The following PAPPA variants were observed in gnomAD, a reference collection of about 807,000 sequenced individuals.
PAPPA encodes the protein pappalysin-1.
Under a neutral mutation model 164.0 loss-of-function variants are expected in PAPPA, and 60 were observed. The ratio of observed to expected loss-of-function variants is 0.37; its 90% CI spans 0.30 to 0.45. PAPPA has a LOEUF of 0.45. Ranked by LOEUF, PAPPA falls within the 20% of genes least tolerant of loss-of-function variation. The pLI, the probability that PAPPA is intolerant of heterozygous loss-of-function variation, is 1.00. For missense variants in PAPPA, 1,782 were observed against 2,087.3 expected, an observed-to-expected ratio of 0.85 and a Z score of 2.85; for synonymous variants, 875 against 814.1, an observed-to-expected ratio of 1.07 and a Z score of -1.27.
intron 7 of PAPPA, among the ~76,000 whole-genome samples, chr9:116,251,533 C>A (rs147192490): frequency 6.6e-6 from 1 of 152,186 alleles, no homozygotes; most frequent in Non-Finnish European, 1.5e-5. Context: ...CAGTTAGTGC[C>A]GCTCAATCAC....
At chr9:116,341,189 C>T (rs1363691644) in intron 13 of PAPPA, among the ~76,000 whole-genome samples, 5 of 151,890 alleles carry the variant, frequency 3.3e-5, no homozygotes, top group Admixed American at 6.6e-5. Context: ...TATAGGTGTG[C>T]ACCACCGCTC....
chr9:116,223,777 C>G (rs1296387907), intron 5 of PAPPA, among the ~76,000 whole-genome samples: 1 of 152,172 alleles, frequency 6.6e-6, no homozygotes, highest in African/African-American at 2.4e-5. Flanking sequence ...AGTATACAAG[C>G]TTTAATGCCA....
chr9:116,201,060 C>T (rs1211900617), intron 2 of PAPPA, among the ~76,000 whole-genome samples: 1 of 152,138 alleles, frequency 6.6e-6, no homozygotes, highest in Admixed American at 6.5e-5. Flanking sequence ...CTTTCTGTGT[C>T]TCTTTTTATA....
chr9:116,180,275 G>C (rs1324376182), intron 1 of PAPPA, among the ~76,000 whole-genome samples: 3 of 152,002 alleles, frequency 2.0e-5, no homozygotes, highest in Non-Finnish European at 4.4e-5. Context: ...CTAGACATTA[G>C]AGCCTTCATG....
intron 13 of PAPPA, among the ~76,000 whole-genome samples, chr9:116,338,528 C>T (rs1481696206): frequency 2.7e-4 from 41 of 152,262 alleles, no homozygotes; most frequent in East Asian, 1.9e-4. Flanking sequence ...GGTAATGACA[C>T]AGGGATTCAT....
At position 116,396,650 on chromosome 9, in the gene PAPPA, G is replaced by T. The variant is rs769575002; in HGVS notation, c.*34G>T. ...AAGAAGTTGTCAAAGAATTCCCAAC[G>T]CCAGGACCCACATCCCTTTGGTATT... On this transcript the variant is annotated 3_prime_UTR_variant, in exon 22 of 22. Coordinates refer to ENST00000328252, the MANE Select transcript of PAPPA (RefSeq NM_002581.5). 1 of 777,098 alleles carries T rather than the reference G, an allele frequency of 1.3e-6. No individual in the cohort carries two copies. The highest frequency in any genetic ancestry group is 2.4e-5 in the East Asian group (1 of 41,148). The allele number at this position is 777,098 out of a possible 1,614,324, so 48.1% of individuals were successfully genotyped here.
At position 116,282,861 on chromosome 9, in the gene PAPPA, G is replaced by A. The variant is rs1361015068; in HGVS notation, c.2953+11445G>A. Among the ~76,000 whole-genome samples, 3 of 152,178 alleles carry A rather than the reference G, an allele frequency of 2.0e-5. No individual in the cohort carries two copies. The East Asian group carries it at 5.8e-4, about 29-fold the overall frequency. Reference sequence around the variant, plus strand: ...TTAAGAAACACTGTCTGAAGTGTTTGTTTACAGATCATTAAATACTTAACA... The same window carrying A: ...TTAAGAAACACTGTCTGAAGTGTTTATTTACAGATCATTAAATACTTAACA... On this transcript the variant is annotated intron_variant, in intron 9 of 21. Transcript: ENST00000328252.
chr9:116,290,589 T>C (rs531872739), intron 9 of PAPPA, among the ~76,000 whole-genome samples: 1 of 152,264 alleles, frequency 6.6e-6, no homozygotes, highest in African/African-American at 2.4e-5. Context: ...TAATCTCCAG[T>C]TCCCTTGACT....
intron 2 of PAPPA, among the ~76,000 whole-genome samples, chr9:116,206,115 G>A (rs1337789076): frequency 2.0e-5 from 3 of 152,168 alleles, no homozygotes; most frequent in African/African-American, 7.2e-5. Flanking sequence ...AGTTGAATGT[G>A]GGTTCTTGGG....
intron 5 of PAPPA, among the ~76,000 whole-genome samples, chr9:116,222,970 A>G (rs967546115): frequency 2.0e-5 from 3 of 152,240 alleles, no homozygotes; most frequent in Non-Finnish European, 2.9e-5. Flanking sequence ...CACAATCATT[A>G]TATGTCAATT....
intron 9 of PAPPA, among the ~76,000 whole-genome samples, chr9:116,289,927 A>G (rs1190824699): frequency 6.6e-6 from 1 of 152,202 alleles, no homozygotes. Context: ...GTGTGTTTAG[A>G]AAAGTCCTCA....
intron 18 of PAPPA, among the ~76,000 whole-genome samples, chr9:116,365,249 G>A (rs943232517): frequency 2.0e-5 from 3 of 152,086 alleles, no homozygotes; most frequent in Non-Finnish European, 2.9e-5. Flanking sequence ...CTCCCCCTGC[G>A]TGCCTCCCCC....
At chr9:116,186,289 T>C (rs918390153) in intron 1 of PAPPA, among the ~76,000 whole-genome samples, 2 of 151,084 alleles carry the variant, frequency 1.3e-5, no homozygotes, top group Non-Finnish European at 2.9e-5. Context: ...TAGATATAGA[T>C]ATATATAGAC....
chr9:116,338,854 C>T (rs1846097631), intron 13 of PAPPA, among the ~76,000 whole-genome samples: 1 of 152,180 alleles, frequency 6.6e-6, no homozygotes, highest in Admixed American at 6.5e-5. Flanking sequence ...ACCAAGACAA[C>T]TTTTTCCTAT....
intron 1 of PAPPA, among the ~76,000 whole-genome samples, chr9:116,181,143 T>G (rs1335679700): frequency 6.6e-6 from 1 of 152,216 alleles, no homozygotes; most frequent in Non-Finnish European, 1.5e-5. Context: ...GGAGATAAGA[T>G]AGATTTTAGA....
At chr9:116,358,820 T>C (rs1846386283) in intron 17 of PAPPA, among the ~76,000 whole-genome samples, 2 of 152,202 alleles carry the variant, frequency 1.3e-5, no homozygotes, top group African/African-American at 2.4e-5. Context: ...CTTGGGCACA[T>C]TGCCTCCCCT....
chr9:116,379,342 G>A (rs1422300351), intron 20 of PAPPA, among the ~76,000 whole-genome samples: 1 of 152,172 alleles, frequency 6.6e-6, no homozygotes, highest in Non-Finnish European at 1.5e-5. Flanking sequence ...ATAAAGAAAG[G>A]GTTTGGGGAC....
chr9:116,190,049 G>A (rs927726920), intron 2 of PAPPA, among the ~76,000 whole-genome samples: 20 of 152,208 alleles, frequency 1.3e-4, no homozygotes, highest in African/African-American at 4.8e-4. Flanking sequence ...TGTCATCTCT[G>A]CTTTCACTTG....
At position 116,214,141 on chromosome 9, in the gene PAPPA, A is replaced by G. The variant is rs141435866; in HGVS notation, c.1918+2209A>G. Among the ~76,000 whole-genome samples, 511 of 152,326 alleles carry G rather than the reference A, an allele frequency of 3.4e-3. 2 individuals carry two copies. Among genetic ancestry groups the G allele is most frequent in the Non-Finnish European group, 5.9e-3 (402 of 68,022 alleles). On this transcript the variant is annotated intron_variant, in intron 4 of 21. Transcript: ENST00000328252. ...GGCCAGTATGGTAGCCATGACCTCT[A>G]CTACCCATGTGGTAACTGAACGATT... is the stretch of plus-strand genomic sequence containing the variant.
Sources: allele counts gnomAD v4.1 joint callset (sites outside exome capture counted in the v4.1 genomes callset), GRCh38; gene constraint gnomAD v4.1.1; transcripts MANE v1.5; gene names NCBI Gene and HGNC (gene_info 2026-07-23, HGNC 2026-07-21).